SLC14A2: variants seen among roughly 807,000 people sequenced by gnomAD.
The protein encoded by SLC14A2 is solute carrier family 14 member 2, also known as urea transporter 2.
A neutral mutation model predicts 104.6 loss-of-function variants in SLC14A2; 91 were observed. That is an observed-to-expected ratio of 0.87 (90% CI 0.73 to 1.04). SLC14A2 has a LOEUF of 1.04. Ranked by LOEUF, SLC14A2 falls within the 50% of genes least tolerant of loss-of-function variation. The pLI, the probability that SLC14A2 is intolerant of heterozygous loss-of-function variation, is 0.00. For missense variants in SLC14A2, 1,189 were observed against 1,156.0 expected (o/e 1.03, Z -0.41); for synonymous variants, 476 against 466.4 (o/e 1.02, Z -0.27).
the SLC14A2 span, among the ~76,000 whole-genome samples, chr18:45,170,042 T>G: frequency 6.6e-6 from 1 of 152,302 alleles, no homozygotes; most frequent in East Asian, 1.9e-4. Context: ...GAGTAAAATC[T>G]TTCAGAAAGA....
intron 19 of SLC14A2, 42 bp downstream of exon 19, chr18:45,679,066 CTGG>C (rs1254226678): frequency 6.3e-7 from 1 of 1,592,548 alleles, no homozygotes; most frequent in Non-Finnish European, 8.6e-7. Flanking sequence ...AACATCCTTC[CTGG>C]TGTCCTCTTG....
chr18:45,414,632 C>T (rs1017561379), intron 1 of SLC14A2, among the ~76,000 whole-genome samples: 6 of 150,614 alleles, frequency 4.0e-5, no homozygotes, highest in Middle Eastern at 3.2e-3. Flanking sequence ...TCATGCAATC[C>T]ACTTTTTCAG....
At chr18:45,656,030 G>A (rs1320843629) in intron 10 of SLC14A2, among the ~76,000 whole-genome samples, 1 of 152,110 alleles carries the variant, frequency 6.6e-6, no homozygotes, top group Non-Finnish European at 1.5e-5. Flanking sequence ...CAAACTCAAA[G>A]GATCACTTGG....
intron 1 of SLC14A2, among the ~76,000 whole-genome samples, chr18:45,310,661 T>C (rs2085069318): frequency 6.6e-6 from 1 of 152,234 alleles, no homozygotes; most frequent in Non-Finnish European, 1.5e-5. Flanking sequence ...AAAGTGGGTT[T>C]ACAGTTTGGA....
At chr18:45,666,809 T>C in intron 12 of SLC14A2, 126 bp from the exon 13 acceptor site, 1 of 758,766 alleles carries the variant, frequency 1.3e-6, no homozygotes, top group Non-Finnish European at 2.1e-6. Flanking sequence ...AACAGGGAGG[T>C]TAAACAGCAA....
chr18:45,430,192 T>A (rs547466546), intron 1 of SLC14A2, among the ~76,000 whole-genome samples: 1 of 152,358 alleles, frequency 6.6e-6, no homozygotes, highest in Non-Finnish European at 1.5e-5. Flanking sequence ...TTTTGGCAGA[T>A]GGGAAAATAA....
intron 1 of SLC14A2, among the ~76,000 whole-genome samples, chr18:45,337,012 G>A (rs1205739146): frequency 2.0e-5 from 3 of 149,646 alleles, no homozygotes; most frequent in African/African-American, 7.4e-5. Context: ...TTTTTTAAGT[G>A]TGCATACAAA....
At chr18:45,389,660 G>A (rs893520280) in intron 1 of SLC14A2, among the ~76,000 whole-genome samples, 2 of 152,168 alleles carry the variant, frequency 1.3e-5, no homozygotes, top group African/African-American at 4.8e-5. Flanking sequence ...CTTTATATTT[G>A]AGAATATTTG....
At chr18:45,273,246 T>C (rs1308070069) in intron 1 of SLC14A2, among the ~76,000 whole-genome samples, 1 of 152,168 alleles carries the variant, frequency 6.6e-6, no homozygotes, top group Non-Finnish European at 1.5e-5. Context: ...GATTACATCC[T>C]CATAGCTGTA....
At chr18:45,540,465 G>T (rs1212449382) in intron 2 of SLC14A2, among the ~76,000 whole-genome samples, 1 of 152,110 alleles carries the variant, frequency 6.6e-6, no homozygotes, top group Non-Finnish European at 1.5e-5. Flanking sequence ...AGAGTGGGCC[G>T]GGTGCGGTGG....
intron 1 of SLC14A2, among the ~76,000 whole-genome samples, chr18:45,235,831 A>G (rs1191327164): frequency 8.2e-6 from 1 of 121,932 alleles, no homozygotes; most frequent in Non-Finnish European, 1.7e-5. Flanking sequence ...ATATATATAT[A>G]CGTGTATATA....
chr18:45,390,451 G>A (rs976616927), intron 1 of SLC14A2, among the ~76,000 whole-genome samples: 1 of 152,116 alleles, frequency 6.6e-6, no homozygotes, highest in Non-Finnish European at 1.5e-5. Flanking sequence ...AGTGTTGTCT[G>A]CCCCACGCCC....
Position 45,461,522 on chromosome 18 carries a change from C to T in SLC14A2, c.-124-21711C>T, listed in dbSNP as rs183523208. Among the ~76,000 whole-genome samples, 232 of 152,320 alleles carry T rather than the reference C, an allele frequency of 1.5e-3. 1 individual carries two copies. The highest frequency in any genetic ancestry group is 5.3e-3 in the African/African-American group (221 of 41,562). On this transcript the variant is annotated intron_variant, in intron 1 of 20. Coordinates refer to the SLC14A2 transcript ENST00000586448. ...GAACAAAGCTCTGGGACCTGTCCCT[C>T]CAGTCTGCTAGAAAGGCTCCCATAG... is the stretch of plus-strand genomic sequence containing the variant.
chr18:45,243,722 G>A (rs1203853350), intron 1 of SLC14A2, among the ~76,000 whole-genome samples: 1 of 152,188 alleles, frequency 6.6e-6, no homozygotes, highest in Non-Finnish European at 1.5e-5. Context: ...AGGCTGGTGT[G>A]GGAAGTAGCC....
intron 1 of SLC14A2, among the ~76,000 whole-genome samples, chr18:45,267,061 G>T (rs954545951): frequency 6.6e-6 from 1 of 152,124 alleles, no homozygotes; most frequent in Non-Finnish European, 1.5e-5. Context: ...TACTAGTAAT[G>T]CATTCTCCTC....
At chr18:45,661,810 T>C (rs1028906428) in intron 10 of SLC14A2, among the ~76,000 whole-genome samples, 14 of 152,222 alleles carry the variant, frequency 9.2e-5, no homozygotes, top group Admixed American at 2.6e-4. Flanking sequence ...CTCATCATCC[T>C]GCATGAACCC....
rs561388769 is a variant in SLC14A2, at chr18:45,231,014, A to C, written c.-125+17823A>C. Among the ~76,000 whole-genome samples the C allele has an allele frequency of 1.1e-3, 168 of 152,316 alleles. 4 individuals are homozygous for C. The South Asian group carries it at 0.034, about 30-fold the overall frequency. On this transcript the variant is annotated intron_variant, in intron 1 of 20. Transcript: ENST00000586448. ...AAAAGTGTATTGGCAAGAGCGCCAA[A>C]GGCTAGGGTGTTTTACATTAGCCTA...
At chr18:45,388,788 C>A (rs1189866030) in intron 1 of SLC14A2, among the ~76,000 whole-genome samples, 1 of 152,118 alleles carries the variant, frequency 6.6e-6, no homozygotes, top group Non-Finnish European at 1.5e-5. Context: ...CCTATGAAGA[C>A]AGGAGGTCGC....
At chr18:45,407,366 T>C (rs772067289) in intron 1 of SLC14A2, among the ~76,000 whole-genome samples, 9 of 152,188 alleles carry the variant, frequency 5.9e-5, no homozygotes, top group Non-Finnish European at 1.3e-4. Flanking sequence ...AGAATTGAAG[T>C]GTTAGAGCTT....
Sources: allele counts gnomAD v4.1 joint callset (sites outside exome capture counted in the v4.1 genomes callset), GRCh38; gene constraint gnomAD v4.1.1; transcripts MANE v1.5; gene names NCBI Gene and HGNC (gene_info 2026-07-23, HGNC 2026-07-21).